NIBAN1: variants seen among roughly 807,000 people sequenced by gnomAD.
The protein encoded by NIBAN1 is protein Niban 1.
NIBAN1 carries 81 observed loss-of-function variants against 75.1 expected under a neutral mutation model. The observed-to-expected ratio is 1.08, with a 90% CI of 0.90 to 1.30. The LOEUF (loss-of-function observed/expected upper bound fraction) is 1.30, where lower values mean the gene tolerates loss of function less well. Among genes scored for constraint, NIBAN1 ranks in the 50% most tolerant of loss-of-function variants. The pLI is 0.00. For synonymous variants in NIBAN1, 436 were observed against 424.8 expected, an observed-to-expected ratio of 1.03 and a Z score of -0.32; for missense variants, 1,133 against 1,128.1, an observed-to-expected ratio of 1.00 and a Z score of -0.06.
At chr1:184,805,661 G>A (rs1441718856) in intron 11 of NIBAN1, among the ~76,000 whole-genome samples, 1 of 152,140 alleles carries the variant, frequency 6.6e-6, no homozygotes. Context: ...GCTTATAGTG[G>A]ACAGCTAATA....
chr1:184,959,755 T>A (rs532890630), intron 1 of NIBAN1, among the ~76,000 whole-genome samples: 4 of 152,340 alleles, frequency 2.6e-5, no homozygotes, highest in Admixed American at 2.0e-4. Context: ...TAGGGCTAAT[T>A]TCTGCTCACT....
intron 1 of NIBAN1, among the ~76,000 whole-genome samples, chr1:184,933,875 A>G (rs1208994819): frequency 6.6e-6 from 1 of 152,268 alleles, no homozygotes; most frequent in Non-Finnish European, 1.5e-5. Flanking sequence ...TGTTCCAAGT[A>G]TTCTGGTGAA....
At chr1:184,881,925 T>G (rs1467352532) in intron 5 of NIBAN1, among the ~76,000 whole-genome samples, 1 of 152,200 alleles carries the variant, frequency 6.6e-6, no homozygotes, top group Non-Finnish European at 1.5e-5. Context: ...ATCCTGTGAC[T>G]TAGAATGCCT....
rs755353880 is a variant in NIBAN1, at chr1:184,795,965, C to G, written c.1799G>C (p.Arg600Thr). Residue 600 changes from arginine to threonine, a missense_variant, in exon 14 of 14, where the codon AGA becomes ACA. By Grantham distance (71) the Arg-to-Thr change is moderately conservative. Coordinates refer to ENST00000367511, the MANE Select transcript of NIBAN1 (RefSeq NM_052966.4). The part of the protein sequence containing the change: ...TGSNQASPAR[R>T]ASAILPGVLG... ...AACTCCTGGCAGAATGGCAGAAGCT[C>G]TCCTGGCAGGGCTGGCCTGGTTTGA... 1.2e-6 allele frequency: 2 copies of G among 1,614,178 alleles called. No homozygotes were observed. Among genetic ancestry groups the G allele is most frequent in the Non-Finnish European group, 1.7e-6 (2 of 1,180,032 alleles).
Position 184,792,268 on chromosome 1 carries a change from A to C in NIBAN1, c.*2709T>G, listed in dbSNP as rs990061552. 2 of 152,224 alleles carry C rather than the reference A, an allele frequency of 1.3e-5. No individual in the cohort carries two copies. The highest frequency in any genetic ancestry group is 4.8e-5 in the African/African-American group (2 of 41,440). 9.4% of individuals were successfully genotyped at this position (152,224 alleles called of 1,614,324 possible). ...AAAACTTGTCTTTAGTGAAATATGT[A>C]CAGAAAATTCTTTGATTATATTCTG... On this transcript the variant is annotated 3_prime_UTR_variant, in exon 14 of 14. Coordinates refer to ENST00000367511, the MANE Select transcript of NIBAN1 (RefSeq NM_052966.4).
intron 1 of NIBAN1, among the ~76,000 whole-genome samples, chr1:184,921,867 C>T (rs1428200829): frequency 6.6e-6 from 1 of 152,170 alleles, no homozygotes; most frequent in Non-Finnish European, 1.5e-5. Context: ...ATTTTCAGCA[C>T]GTAGGCTCAA....
intron 5 of NIBAN1, among the ~76,000 whole-genome samples, chr1:184,874,607 C>T (rs1656187826): frequency 6.6e-6 from 1 of 151,802 alleles, no homozygotes; most frequent in Non-Finnish European, 1.5e-5. Flanking sequence ...CTTATATATA[C>T]ACACATATAC....
intron 5 of NIBAN1, among the ~76,000 whole-genome samples, chr1:184,867,708 C>A (rs1490881079): frequency 6.6e-6 from 1 of 152,166 alleles, no homozygotes; most frequent in Non-Finnish European, 1.5e-5. Context: ...TTCCACTTAT[C>A]CTGGAAAGTC....
At chr1:184,898,388 G>T (rs891884439) in intron 2 of NIBAN1, among the ~76,000 whole-genome samples, 1 of 152,214 alleles carries the variant, frequency 6.6e-6, no homozygotes, top group African/African-American at 2.4e-5. Flanking sequence ...GCCGAGGCAG[G>T]TGGATCACTT....
chr1:184,881,797 A>G (rs1423654799), intron 5 of NIBAN1, among the ~76,000 whole-genome samples: 2 of 152,078 alleles, frequency 1.3e-5, no homozygotes, highest in Non-Finnish European at 2.9e-5. Context: ...AGCAGTGAGG[A>G]TGACCAGAGG....
intron 6 of NIBAN1, among the ~76,000 whole-genome samples, chr1:184,829,400 T>C (rs1654933168): frequency 6.6e-6 from 1 of 151,316 alleles, no homozygotes; most frequent in South Asian, 2.1e-4. Context: ...TAGCACATAA[T>C]CAGCCTGAAG....
At chr1:184,961,612 T>C (rs1014281453) in intron 1 of NIBAN1, among the ~76,000 whole-genome samples, 2 of 152,350 alleles carry the variant, frequency 1.3e-5, no homozygotes, top group African/African-American at 4.8e-5. Context: ...TCTGTTTGGG[T>C]ATCCATGACC....
rs1656635097 is a variant in NIBAN1 at position 184,890,333 on chromosome 1, C to T, written c.319-111G>A. On this transcript the variant is annotated intron_variant, in intron 3 of 13. Coordinates refer to ENST00000367511, the MANE Select transcript of NIBAN1 (RefSeq NM_052966.4). ...TCAGACATTCAGAGATAGCAATCCC[C>T]ATACTATGTTATTGAGTTATAGTCA... 7 of 739,700 alleles carry T rather than the reference C, an allele frequency of 9.5e-6. No homozygotes were observed. The Admixed American group carries it at 1.1e-4, about 11-fold the overall frequency. The allele number at this position is 739,700 out of a possible 1,614,324, so 45.8% of individuals were successfully genotyped here.
Position 184,884,734 on chromosome 1 carries a change from C to A in NIBAN1, c.500G>T (p.Trp167Leu), listed in dbSNP as rs778813287. The A allele has an allele frequency of 2.1e-5, 34 of 1,614,096 alleles. No individual in the cohort carries two copies. The highest frequency in any genetic ancestry group is 2.9e-5 in the Non-Finnish European group (34 of 1,180,026). ...VLPKEFPVYL[W>L]QPFFRHGYFC... is the part of the protein sequence containing the mutation. ...GTAGCCGTGTCTGAAGAAGGGCTGCCACAGGTACACTGGGAATTCCTTGGG... is the reference window on the plus strand; with the variant it reads ...GTAGCCGTGTCTGAAGAAGGGCTGCAACAGGTACACTGGGAATTCCTTGGG... Residue 167 changes from tryptophan to leucine, a missense_variant, in exon 5 of 14, where the codon TGG (tryptophan) becomes TTG (leucine). Physicochemically the swap from Trp to Leu is moderately conservative, Grantham distance 61. Coordinates refer to ENST00000367511, the MANE Select transcript of NIBAN1 (RefSeq NM_052966.4).
chr1:184,950,911 C>G (rs1441208768), intron 1 of NIBAN1, among the ~76,000 whole-genome samples: 1 of 152,226 alleles, frequency 6.6e-6, no homozygotes, highest in Non-Finnish European at 1.5e-5. Flanking sequence ...TCATCAGCAT[C>G]TTTCTGCTCT....
At chr1:184,802,966 C>G (rs56278505) in intron 12 of NIBAN1, among the ~76,000 whole-genome samples, 8,070 of 152,198 alleles carry the variant, frequency 0.053, 243 homozygotes, top group Middle Eastern at 0.065. Flanking sequence ...TAAATAATAC[C>G]TCCTCCCAGA....
intron 4 of NIBAN1, among the ~76,000 whole-genome samples, chr1:184,889,599 T>C (rs1055895888): frequency 6.6e-5 from 10 of 152,198 alleles, no homozygotes; most frequent in East Asian, 1.9e-4. Context: ...GTATATTTCA[T>C]GGACTGGGCC....
intron 1 of NIBAN1, among the ~76,000 whole-genome samples, chr1:184,934,586 A>G (rs1229689038): frequency 6.6e-6 from 1 of 152,196 alleles, no homozygotes; most frequent in African/African-American, 2.4e-5. Flanking sequence ...CAACACAGTA[A>G]GACTCCATCT....
At chr1:184,915,001 C>T (rs764025522) in intron 1 of NIBAN1, among the ~76,000 whole-genome samples, 81 of 152,192 alleles carry the variant, frequency 5.3e-4, no homozygotes, top group Non-Finnish European at 7.9e-4. Context: ...GGATTACAGG[C>T]GTGAGCCACT....
Sources: gnomAD v4.1 joint callset for allele counts (sites outside exome capture counted in the v4.1 genomes callset) on GRCh38, gnomAD v4.1.1 for gene constraint, MANE v1.5 for transcripts, NCBI Gene and HGNC (gene_info 2026-07-23, HGNC 2026-07-21) for gene names.